MBOAT7: variants seen among roughly 807,000 people sequenced by gnomAD.
The protein encoded by MBOAT7 is membrane bound acylglycerophosphatidylinositol O-acyltransferase MBOAT7, also known as membrane-bound acylglycerophosphatidylinositol O-acyltransferase MBOAT7.
In MBOAT7, 40 loss-of-function variants were observed where a neutral mutation model predicts 47.4. The ratio of observed to expected loss-of-function variants is 0.84; its 90% confidence interval spans 0.66 to 1.10. The LOEUF (loss-of-function observed/expected upper bound fraction) is 1.10, where lower values mean the gene tolerates loss of function less well. Ranked by LOEUF, MBOAT7 falls within the 50% of genes least tolerant of loss-of-function variation. The probability of loss-of-function intolerance (pLI) is 0.00; values close to 1 mark genes in which losing one functional copy is unlikely to be tolerated. For synonymous variants in MBOAT7, 361 were observed against 292.0 expected (o/e 1.24, Z -2.41); for missense variants, 680 against 655.6 (o/e 1.04, Z -0.41).
chr19:54,187,674 G>A (rs958623428), intron 3 of MBOAT7, among the ~76,000 whole-genome samples: 4 of 152,300 alleles, frequency 2.6e-5, no homozygotes, highest in East Asian at 1.9e-4. Flanking sequence ...TGGATGTAGC[G>A]GACTGGGACA....
At position 54,173,934 on chromosome 19, in the gene MBOAT7, G is replaced by A; in HGVS notation, c.*110C>T. 3.7e-6 allele frequency: 5 copies of A among 1,336,584 alleles called. No homozygotes were observed. In the South Asian group the frequency reaches 7.7e-5, roughly 21 times the overall value. 82.8% of individuals were successfully genotyped at this position (1,336,584 alleles called of 1,614,324 possible). ...GGCAGGGTATTTAGCTGGGGAAGAG[G>A]AAATTCTCTCCAGGACCCTCTCCAA... On this transcript the variant is annotated 3_prime_UTR_variant, in exon 8 of 8. Transcript: ENST00000245615.
At chr19:54,187,097 G>A in intron 4 of MBOAT7, 64 bp downstream of exon 4, 2 of 1,503,990 alleles carry the variant, frequency 1.3e-6, no homozygotes, top group South Asian at 1.2e-5. Context: ...GAAGGGGGAG[G>A]TAAAGTGGGA....
chr19:54,177,594 CTATTT>C (rs946923397), intron 7 of MBOAT7, among the ~76,000 whole-genome samples: 30 of 149,624 alleles, frequency 2.0e-4, no homozygotes, highest in Non-Finnish European at 3.1e-4. Context: ...CGTGCCCGGC[CTATTT>C]TATTTTATTT....
In MBOAT7 at chr19:54,173,715, A is replaced by G; in HGVS notation, c.*329T>C. On this transcript the variant is annotated 3_prime_UTR_variant, in exon 8 of 8. Transcript: ENST00000245615. ...GCTCCGACCCCACATTGTGGATGCA[A>G]AGAAAGGGAATTTGCCCAAAACCCA... 3.2e-6 allele frequency: 1 copy of G among 317,270 alleles called. No homozygotes were observed. Among genetic ancestry groups the G allele is most frequent in the East Asian group, 5.2e-5 (1 of 19,126 alleles). The allele number at this position is 317,270 out of a possible 1,614,324, so 19.7% of individuals were successfully genotyped here.
chr19:54,186,280 G>A (rs1163510093), intron 4 of MBOAT7, among the ~76,000 whole-genome samples: 1 of 152,208 alleles, frequency 6.6e-6, no homozygotes, highest in Non-Finnish European at 1.5e-5. Flanking sequence ...CTCCCAAAGT[G>A]CTGGCATTAC....
At position 54,178,955 on chromosome 19, in the gene MBOAT7, G is replaced by A. The variant is rs1426594296; in HGVS notation, c.855-14C>T. On this transcript the variant is annotated splice_polypyrimidine_tract_variant and intron_variant, in intron 6 of 7. Transcript: ENST00000245615. ...GCCTTCTCCGGACTGGGGGGTGGAG[G>A]ATGAGGGTGGGGGACAGACATGCAG... 6.2e-7 allele frequency: 1 copy of A among 1,611,544 alleles called. No homozygotes were observed. Among genetic ancestry groups the A allele is most frequent in the Non-Finnish European group, 8.5e-7 (1 of 1,179,222 alleles).
At chr19:54,185,837 A>C (rs193097083) in intron 4 of MBOAT7, among the ~76,000 whole-genome samples, 63 of 151,792 alleles carry the variant, frequency 4.2e-4, no homozygotes, top group African/African-American at 1.5e-3. Flanking sequence ...CTGGGATTAC[A>C]GGTGTGAGCC....
At position 54,188,391 on chromosome 19, in the gene MBOAT7, T is replaced by TC. The variant is rs111889813; in HGVS notation, c.76+41dup. On this transcript the variant is annotated intron_variant, in intron 2 of 7. Coordinates refer to ENST00000245615, the MANE Select transcript of MBOAT7 (RefSeq NM_024298.5). The stretch of plus-strand genomic sequence containing the variant: ...CATAAGCCTGGAACCTTCCAGAGGG[T>TC]CCCCCCCCTTTATTTTCCACTGGGG... 4.0e-3 allele frequency: 6,373 copies of TC among 1,588,806 alleles called. 15 individuals are homozygous for TC. Among genetic ancestry groups the TC allele is most frequent in the Non-Finnish European group, 4.8e-3 (5,613 of 1,167,486 alleles).
At position 54,180,699 on chromosome 19, in the gene MBOAT7, C is replaced by T. The variant is rs756465946; in HGVS notation, c.854+74G>A. 1.4e-6 allele frequency: 2 copies of T among 1,393,092 alleles called. No individual in the cohort carries two copies. Among genetic ancestry groups the T allele is most frequent in the South Asian group, 1.5e-5 (1 of 66,798 alleles). The allele number at this position is 1,393,092 out of a possible 1,614,324, so 86.3% of individuals were successfully genotyped here. ...TGGCCCCTTGCTCCCCGCTCTCCTC[C>T]CGGCTAGGGGCAGAGCCAGCCCTTG... On this transcript the variant is annotated intron_variant, in intron 6 of 7. Transcript: ENST00000245615. This position sits in a 1 kb window ranked among gnomAD's most constrained non-coding sequence, Gnocchi z 5.2.
chr19:54,183,786 C>T (rs1297589213), intron 4 of MBOAT7, 106 bp from the exon 5 acceptor site: 9 of 1,163,822 alleles, frequency 7.7e-6, no homozygotes, highest in Non-Finnish European at 5.8e-6. Flanking sequence ...GCTGGGTGCC[C>T]GCAGCTCTGC....
chr19:54,186,552 G>C (rs2076432132), intron 4 of MBOAT7, among the ~76,000 whole-genome samples: 1 of 152,138 alleles, frequency 6.6e-6, no homozygotes, highest in African/African-American at 2.4e-5. Context: ...CACACATCCT[G>C]CGGCCTGAAA....
At chr19:54,188,061 G>GAAAGAA (rs2076497511) in intron 3 of MBOAT7, among the ~76,000 whole-genome samples, 156 bp downstream of exon 3, 4 of 52,992 alleles carry the variant, frequency 7.5e-5, no homozygotes, top group African/African-American at 2.1e-4. Context: ...AAGAAAGAAA[G>GAAAGAA]AAAGAAAGAC....
At position 54,188,489 on chromosome 19, in the gene MBOAT7, G is replaced by A. The variant is rs562003643; in HGVS notation, c.20C>T (p.Thr7Met). Reference sequence around the variant, plus strand: ...GGAGATAAGAAGAACCACTAGATACGTCCATTCTTCAGGCGACATGGTCTG... The same window carrying A: ...GGAGATAAGAAGAACCACTAGATACATCCATTCTTCAGGCGACATGGTCTG... Reference protein sequence around the residue: MSPEEWTYLVVLLISIP... With the variant: MSPEEWMYLVVLLISIP... The change falls in exon 2 of 8, where the codon ACG becomes ATG. Residue 7 changes from threonine (T) to methionine (M), a missense_variant. Coordinates refer to ENST00000245615, the MANE Select transcript of MBOAT7 (RefSeq NM_024298.5). 3.2e-6 allele frequency: 5 copies of A among 1,553,866 alleles called. No individual in the cohort carries two copies. Among genetic ancestry groups the A allele is most frequent in the African/African-American group, 2.7e-5 (2 of 73,290 alleles).
chr19:54,175,183 T>A (rs555153820), intron 7 of MBOAT7, among the ~76,000 whole-genome samples: 1 of 152,122 alleles, frequency 6.6e-6, no homozygotes, highest in Non-Finnish European at 1.5e-5. Context: ...TTTCACCGTG[T>A]TAGCCAGGAT....
intron 4 of MBOAT7, among the ~76,000 whole-genome samples, chr19:54,185,065 C>A (rs2076394040): frequency 6.6e-6 from 1 of 151,596 alleles, no homozygotes; most frequent in African/African-American, 2.4e-5. Flanking sequence ...TAAAAATTAG[C>A]AAGGCGTGGT....
chr19:54,174,059 C>T lies in MBOAT7; in HGVS notation c.1404G>A (p.Lys468=). The change falls in exon 8 of 8, where the codon AAG becomes AAA. Residue 468 remains lysine, a synonymous_variant. Transcript: ENST00000245615. ...TCGTGACAGCTTACTCCTCCCGGAG[C>T]TTCTCCGGGGCAAGGCTGGTGGGCT... ...ASQPTSLAPE[K]LREE The T allele has an allele frequency of 3.1e-6, 5 of 1,598,856 alleles. No homozygotes were observed. Among genetic ancestry groups the T allele is most frequent in the Non-Finnish European group, 4.3e-6 (5 of 1,174,278 alleles).
intron 4 of MBOAT7, 143 bp from the exon 5 acceptor site, chr19:54,183,823 A>G: frequency 2.5e-6 from 2 of 786,984 alleles, no homozygotes; most frequent in Non-Finnish European, 3.7e-6. Flanking sequence ...TAACGCCTCT[A>G]GCTGGGCGGT....
chr19:54,179,107 G>A, intron 6 of MBOAT7, 166 bp from the exon 7 acceptor site: 1 of 884,836 alleles, frequency 1.1e-6, no homozygotes, highest in South Asian at 1.7e-5. Context: ...TGGCCCAGAG[G>A]GTGCCTGTAG....
Position 54,188,201 on chromosome 19 carries a change from TC to T in MBOAT7, c.206+15del. On this transcript the variant is annotated intron_variant, in intron 3 of 7. Coordinates refer to ENST00000245615, the MANE Select transcript of MBOAT7 (RefSeq NM_024298.5). Reference sequence around the variant, plus strand: ...TCTCCCCTCCTCTCCCTCTCCTCCCTCCACCAAATTCTCACCAGGGCTGGGC... The same window carrying T: ...TCTCCCCTCCTCTCCCTCTCCTCCCTCACCAAATTCTCACCAGGGCTGGGC... 1 of 1,588,996 alleles carries T rather than the reference TC, an allele frequency of 6.3e-7. No homozygotes were observed. The highest frequency in any genetic ancestry group is 8.6e-7 in the Non-Finnish European group (1 of 1,167,026).
Sources: allele counts gnomAD v4.1 joint callset (sites outside exome capture counted in the v4.1 genomes callset), GRCh38; gene constraint gnomAD v4.1.1; non-coding constraint Gnocchi (gnomAD v3.1); transcripts MANE v1.5; gene names NCBI Gene and HGNC (gene_info 2026-07-23, HGNC 2026-07-21).